The following PCDHB16 variants were observed in gnomAD, a reference collection of about 807,000 sequenced individuals.
PCDHB16 encodes protocadherin beta-16.
For synonymous variants in PCDHB16, 444 were observed against 436.5 expected (o/e 1.02, Z -0.21); for missense variants, 1,026 against 989.9 (o/e 1.04, Z -0.49).
Position 141,183,426 on chromosome 5 carries a change from T to C in PCDHB16, c.867T>C (p.Ser289=), listed in dbSNP as rs1228331537. ...TCTTTCAGCCTTCGGAGGATATTAGTAAAACTTTGGAGGTAAATCCTATGA... is the reference window on the plus strand; with the variant it reads ...TCTTTCAGCCTTCGGAGGATATTAGCAAAACTTTGGAGGTAAATCCTATGA... ...YTLFQPSEDI[S]KTLEVNPMTG... The change falls in exon 1 of 1, where the codon AGT becomes AGC. Residue 289 remains serine, a synonymous_variant. Transcript: ENST00000609684. The C allele has an allele frequency of 6.8e-6, 11 of 1,613,994 alleles. No homozygotes were observed. Among genetic ancestry groups the C allele is most frequent in the Admixed American group, 1.7e-5 (1 of 60,014 alleles).
rs782505525 is a variant in PCDHB16, at chr5:141,183,377, C to T, written c.818C>T (p.Ala273Val). 2.6e-5 allele frequency: 42 copies of T among 1,613,992 alleles called. No homozygotes were observed. The Admixed American group carries it at 6.8e-4, about 26-fold the overall frequency. Reference sequence around the variant, plus strand: ...TCCGCCAGGGATTTAGACGGCGGAGCCAATGGAAAAATATCATACACACTC... The same window carrying T: ...TCCGCCAGGGATTTAGACGGCGGAGTCAATGGAAAAATATCATACACACTC... ...TVSARDLDGG[A>V]NGKISYTLFQ... is the part of the protein sequence containing the mutation. Residue 273 changes from alanine (A) to valine (V), a missense_variant, in exon 1 of 1, where the codon GCC (alanine) becomes GTC (valine). Coordinates refer to ENST00000609684, the MANE Select transcript of PCDHB16 (RefSeq NM_020957.4).
rs200756702 is a variant in PCDHB16, at chr5:141,184,407, T to A, written c.1848T>A (p.Gly616=). 3 of 1,606,122 alleles carry A rather than the reference T, an allele frequency of 1.9e-6. No individual in the cohort carries two copies. The highest frequency in any genetic ancestry group is 2.5e-6 in the Non-Finnish European group (3 of 1,179,310). Residue 616 remains glycine, a synonymous_variant, in exon 1 of 1, where the codon GGT becomes GGA. Coordinates refer to ENST00000609684, the MANE Select transcript of PCDHB16 (RefSeq NM_020957.4). ...AGGCCACGGAGCCCGGGCTGTTCGG[T>A]GTGTGGGCGCACAATGGCGAGGTGC... ...LLKATEPGLF[G]VWAHNGEVRT...
chr5:141,185,768 A>C lies in PCDHB16; in HGVS notation c.*878A>C. ...AAGTTACCTTTAAAAAAAAAGTTCT[A>C]TTTTCCCTGTATTGGTATCTCCTTA... On this transcript the variant is annotated 3_prime_UTR_variant, in exon 1 of 1. Transcript: ENST00000609684. 1 of 989,312 alleles carries C rather than the reference A, an allele frequency of 1.0e-6. No homozygotes were observed. Among genetic ancestry groups the C allele is most frequent in the Non-Finnish European group, 1.2e-6 (1 of 820,214 alleles). The allele number at this position is 989,312 out of a possible 1,614,324, so 61.3% of individuals were successfully genotyped here. A position where few individuals can be genotyped will look rare whatever the true frequency, so the allele number is the denominator to read the frequency against.
Position 141,184,638 on chromosome 5 carries a change from G to T in PCDHB16, c.2079G>T (p.Ala693=), listed in dbSNP as rs782188867. ...ANSLTVYLVV[A]LASVSSLFLF... ...CGCTCACTGTCTACCTGGTGGTGGC[G>T]TTGGCCTCGGTGTCGTCGCTCTTCC... Residue 693 remains alanine, a synonymous_variant, in exon 1 of 1, where the codon GCG becomes GCT. Coordinates refer to ENST00000609684, the MANE Select transcript of PCDHB16 (RefSeq NM_020957.4). The T allele has an allele frequency of 1.2e-6, 2 of 1,612,718 alleles. No individual in the cohort carries two copies. The highest frequency in any genetic ancestry group is 1.7e-6 in the Non-Finnish European group (2 of 1,179,846).
chr5:141,185,419 T>G lies in PCDHB16; in HGVS notation c.*529T>G. On this transcript the variant is annotated 3_prime_UTR_variant, in exon 1 of 1. Coordinates refer to ENST00000609684, the MANE Select transcript of PCDHB16 (RefSeq NM_020957.4). ...TTTTCTTTTCTTTCTTTTTTTTTTT[T>G]TCCTTTTTGAGACAGGGTCTTACTC... 6.6e-6 allele frequency: 5 copies of G among 757,828 alleles called. No homozygotes were observed. Among genetic ancestry groups the G allele is most frequent in the Non-Finnish European group, 8.1e-6 (5 of 618,220 alleles). 46.9% of individuals were successfully genotyped at this position (757,828 alleles called of 1,614,324 possible).
In PCDHB16 at chr5:141,185,129, C is replaced by T; in HGVS notation, c.*239C>T. On this transcript the variant is annotated 3_prime_UTR_variant, in exon 1 of 1. Transcript: ENST00000609684. The stretch of plus-strand genomic sequence containing the variant: ...CGAAGAGGTGTTGCATATAGAATCC[C>T]AATTAACAAAATATACTTTATCTTC... 7.8e-7 allele frequency: 1 copy of T among 1,283,860 alleles called. No homozygotes were observed. The allele number at this position is 1,283,860 out of a possible 1,614,324, so 79.5% of individuals were successfully genotyped here.
rs782482808 is a variant in PCDHB16, at chr5:141,182,500, T to TTCTA, written c.-59_-56dup. On this transcript the variant is annotated 5_prime_UTR_variant, in exon 1 of 1. Transcript: ENST00000609684. ...TCTGACATTCTGGACTGCAAAACAG[T>TTCTA]TCTACTAGGATCCTGGGGATACATG... The TTCTA allele has an allele frequency of 6.2e-6, 9 of 1,449,690 alleles. No homozygotes were observed. The highest frequency in any genetic ancestry group is 8.3e-6 in the Non-Finnish European group (9 of 1,080,010). The allele number at this position is 1,449,690 out of a possible 1,614,324, so 89.8% of individuals were successfully genotyped here. A position where few individuals can be genotyped will look rare whatever the true frequency, so the allele number is the denominator to read the frequency against.
Position 141,182,808 on chromosome 5 carries a change from T to C in PCDHB16, c.249T>C (p.Asp83=). ...TGCAGCTCAAGGCTCAAACTGGGGA[T>C]TTGCTCATAAATGAGAAGCTAGATC... The part of the protein sequence containing the change: ...QHLQLKAQTG[D]LLINEKLDRE... Residue 83 remains aspartate, a synonymous_variant, in exon 1 of 1, where the codon GAT becomes GAC. Transcript: ENST00000609684. 6.2e-7 allele frequency: 1 copy of C among 1,614,098 alleles called. No individual in the cohort carries two copies. Among genetic ancestry groups the C allele is most frequent in the Non-Finnish European group, 8.5e-7 (1 of 1,180,018 alleles).
rs1554282271 is a variant in PCDHB16 at position 141,184,023 on chromosome 5, C to T, written c.1464C>T (p.Tyr488=). 1 of 1,606,070 alleles carries T rather than the reference C, an allele frequency of 6.2e-7. No homozygotes were observed. The highest frequency in any genetic ancestry group is 8.5e-7 in the Non-Finnish European group (1 of 1,178,370). ...RDSGTNAQVT[Y]SLLPPQDPHL... is the part of the protein sequence containing the mutation. The stretch of plus-strand genomic sequence containing the variant: ...CGGGCACCAACGCCCAGGTCACCTA[C>T]TCGCTGCTGCCGCCCCAAGACCCGC... Residue 488 remains tyrosine, a synonymous_variant, in exon 1 of 1, where the codon TAC becomes TAT. Coordinates refer to ENST00000609684, the MANE Select transcript of PCDHB16 (RefSeq NM_020957.4).
rs781975975 is a variant in PCDHB16 at position 141,182,465 on chromosome 5, G to A, written c.-95G>A. 1.7e-5 allele frequency: 19 copies of A among 1,101,508 alleles called. No individual in the cohort carries two copies. Among genetic ancestry groups the A allele is most frequent in the African/African-American group, 1.2e-4 (8 of 64,006 alleles). 68.2% of individuals were successfully genotyped at this position (1,101,508 alleles called of 1,614,324 possible). A position where few individuals can be genotyped will look rare whatever the true frequency, so the allele number is the denominator to read the frequency against. The stretch of plus-strand genomic sequence containing the variant: ...TGAAACCTCTTTAAGACACCGTTGG[G>A]CTGCTTGGTTCTGACATTCTGGACT... On this transcript the variant is annotated 5_prime_UTR_variant, in exon 1 of 1. Coordinates refer to ENST00000609684, the MANE Select transcript of PCDHB16 (RefSeq NM_020957.4).
rs374447903 is a variant in PCDHB16, at chr5:141,184,642, G to C, written c.2083G>C (p.Ala695Pro). 168 of 1,612,008 alleles carry C rather than the reference G, an allele frequency of 1.0e-4. No individual in the cohort carries two copies. The highest frequency in any genetic ancestry group is 1.3e-4 in the Non-Finnish European group (157 of 1,179,348). The change falls in exon 1 of 1, where the codon GCC becomes CCC. Residue 695 changes from alanine (A) to proline (P), a missense_variant. Transcript: ENST00000609684. ...SLTVYLVVAL[A>P]SVSSLFLFSV... ...CACTGTCTACCTGGTGGTGGCGTTG[G>C]CCTCGGTGTCGTCGCTCTTCCTCTT...
rs782275646 is a variant in PCDHB16 at position 141,182,632 on chromosome 5, G to C, written c.73G>C (p.Gly25Arg). 3.8e-6 allele frequency: 6 copies of C among 1,575,236 alleles called. No individual in the cohort carries two copies. The highest frequency in any genetic ancestry group is 3.9e-5 in the Admixed American group (2 of 51,872). Residue 25 changes from glycine to arginine, a missense_variant, in exon 1 of 1, where the codon GGG (glycine) becomes CGG (arginine). Gly to Arg is a moderately radical substitution (Grantham distance 125, BLOSUM62 -2). Coordinates refer to ENST00000609684, the MANE Select transcript of PCDHB16 (RefSeq NM_020957.4). Reference protein sequence around the residue: ...LVFFVLLSLSGAGAELGSYSV... With the variant: ...LVFFVLLSLSRAGAELGSYSV... Reference sequence around the variant, plus strand: ...TTTCTTTGTTTTGCTGAGCTTGTCTGGGGCGGGCGCCGAGTTGGGGTCCTA... The same window carrying C: ...TTTCTTTGTTTTGCTGAGCTTGTCTCGGGCGGGCGCCGAGTTGGGGTCCTA...
chr5:141,183,357 C>T lies in PCDHB16; in HGVS notation c.798C>T (p.Ala266=), dbSNP rs142687707. Residue 266 remains alanine (A), a synonymous_variant, in exon 1 of 1, where the codon GCC becomes GCT. Transcript: ENST00000609684. ...PLGSLVATVS[A]RDLDGGANGK... ...GCTCCCTGGTTGCCACCGTCTCCGC[C>T]AGGGATTTAGACGGCGGAGCCAATG... is the stretch of plus-strand genomic sequence containing the variant. The T allele has an allele frequency of 3.7e-6, 6 of 1,614,006 alleles. No individual in the cohort carries two copies. The Admixed American group carries it at 6.7e-5, about 18-fold the overall frequency.
In PCDHB16 at chr5:141,182,934, T is replaced by C. The variant is rs782440821; in HGVS notation, c.375T>C (p.Asp125=). ...EIFQAELRVI[D]INDHSPMFTE... ...TTCAGGCTGAACTGAGGGTGATAGA[T>C]ATAAATGACCATTCTCCCATGTTCA... The change falls in exon 1 of 1, where the codon GAT becomes GAC. Residue 125 remains aspartate (D), a synonymous_variant. Coordinates refer to ENST00000609684, the MANE Select transcript of PCDHB16 (RefSeq NM_020957.4). 6.2e-6 allele frequency: 10 copies of C among 1,613,994 alleles called. No individual in the cohort carries two copies. The highest frequency in any genetic ancestry group is 2.7e-5 in the African/African-American group (2 of 74,940).
chr5:141,183,265 A>C lies in PCDHB16; in HGVS notation c.706A>C (p.Asn236His). The change falls in exon 1 of 1, where the codon AAT becomes CAT. Residue 236 changes from asparagine to histidine, a missense_variant. Coordinates refer to ENST00000609684, the MANE Select transcript of PCDHB16 (RefSeq NM_020957.4). Reference sequence around the variant, plus strand: ...GGTCCGTATTGAAGTGGTGGACATCAATGATAACGCTCCTGAGTTTGAGCA... The same window carrying C: ...GGTCCGTATTGAAGTGGTGGACATCCATGATAACGCTCCTGAGTTTGAGCA... ...AQVRIEVVDI[N>H]DNAPEFEQPI... 1 of 1,614,188 alleles carries C rather than the reference A, an allele frequency of 6.2e-7. No homozygotes were observed. Among genetic ancestry groups the C allele is most frequent in the Non-Finnish European group, 8.5e-7 (1 of 1,180,024 alleles).
Position 141,183,121 on chromosome 5 carries a change from G to A in PCDHB16, c.562G>A (p.Gly188Ser). Residue 188 changes from glycine (G) to serine (S), a missense_variant, in exon 1 of 1, where the codon GGC becomes AGC. Transcript: ENST00000609684. The stretch of plus-strand genomic sequence containing the variant: ...GGTTCTAATCCATGAATTCAGAGAT[G>A]GCAGGAAATACCCTGAGCTAGTGTT... ...FRVLIHEFRD[G>S]RKYPELVLDK... 6.2e-7 allele frequency: 1 copy of A among 1,614,178 alleles called. No individual in the cohort carries two copies. Among genetic ancestry groups the A allele is most frequent in the Non-Finnish European group, 8.5e-7 (1 of 1,180,006 alleles).
rs1554282416 is a variant in PCDHB16 at position 141,184,551 on chromosome 5, C to T, written c.1992C>T (p.Asp664=). The T allele has an allele frequency of 1.2e-6, 2 of 1,611,090 alleles. No homozygotes were observed. The highest frequency in any genetic ancestry group is 1.7e-5 in the Admixed American group (1 of 59,996). ...ATATLHVLLV[D]GFSQPFLPLP... ...CCACGCTGCACGTGCTCCTGGTGGA[C>T]GGCTTCTCCCAGCCCTTCCTGCCGC... is the stretch of plus-strand genomic sequence containing the variant. The change falls in exon 1 of 1, where the codon GAC becomes GAT. Residue 664 remains aspartate, a synonymous_variant. Transcript: ENST00000609684.
chr5:141,184,593 C>T lies in PCDHB16; in HGVS notation c.2034C>T (p.Pro678=), dbSNP rs148236263. The part of the protein sequence containing the change: ...QPFLPLPEAA[P]GQTQANSLTV... The stretch of plus-strand genomic sequence containing the variant: ...TCCTGCCGCTCCCAGAGGCGGCCCC[C>T]GGCCAGACCCAGGCCAACTCGCTCA... Residue 678 remains proline, a synonymous_variant, in exon 1 of 1, where the codon CCC becomes CCT. Coordinates refer to ENST00000609684, the MANE Select transcript of PCDHB16 (RefSeq NM_020957.4). The T allele has an allele frequency of 3.2e-5, 51 of 1,612,334 alleles. No individual in the cohort carries two copies. The highest frequency in any genetic ancestry group is 1.6e-4 in the South Asian group (15 of 91,050).
chr5:141,183,088 C>T lies in PCDHB16; in HGVS notation c.529C>T (p.His177Tyr), dbSNP rs373129199. The change falls in exon 1 of 1, where the codon CAT (histidine) becomes TAT (tyrosine). Residue 177 changes from histidine (H) to tyrosine (Y), a missense_variant. His to Tyr is a moderately conservative substitution (Grantham distance 83, BLOSUM62 2). Coordinates refer to ENST00000609684, the MANE Select transcript of PCDHB16 (RefSeq NM_020957.4). ...AAACTATAAAATCAGCCCAAGCTCT[C>T]ATTTCCGGGTTCTAATCCATGAATT... ...VQNYKISPSS[H>Y]FRVLIHEFRD... 3.1e-6 allele frequency: 5 copies of T among 1,614,072 alleles called. No homozygotes were observed. In the African/African-American group the frequency reaches 6.7e-5, roughly 22 times the overall value.
Sources: gnomAD v4.1 joint callset for allele counts on GRCh38, gnomAD v4.1.1 for gene constraint, MANE v1.5 for transcripts, NCBI Gene and HGNC (gene_info 2026-07-23, HGNC 2026-07-21) for gene names.